THRB: variants seen among roughly 807,000 people sequenced by gnomAD.
The protein encoded by THRB is thyroid hormone receptor beta.
Under a neutral mutation model 47.8 loss-of-function variants are expected in THRB, and 12 were observed. The observed-to-expected ratio is 0.25, with a 90% CI of 0.16 to 0.41. The LOEUF (loss-of-function observed/expected upper bound fraction) is 0.41, where lower values mean the gene tolerates loss of function less well. Ranked by LOEUF, THRB falls within the 10% of genes least tolerant of loss-of-function variation. The probability of loss-of-function intolerance (pLI) is 1.00; values close to 1 mark genes in which losing one functional copy is unlikely to be tolerated. For missense variants in THRB, 348 were observed against 589.2 expected, an observed-to-expected ratio of 0.59 and a Z score of 4.24; for synonymous variants, 218 against 212.2, an observed-to-expected ratio of 1.03 and a Z score of -0.24.
At chr3:24,272,101 G>C (rs932478608) in intron 3 of THRB, among the ~76,000 whole-genome samples, 8 of 152,090 alleles carry the variant, frequency 5.3e-5, no homozygotes, top group Non-Finnish European at 7.4e-5. Flanking sequence ...CAACACTTTG[G>C]GATGCCATAG....
At chr3:24,277,358 C>A (rs2054031126) in intron 3 of THRB, among the ~76,000 whole-genome samples, 1 of 152,106 alleles carries the variant, frequency 6.6e-6, no homozygotes, top group African/African-American at 2.4e-5. Context: ...TTCAAAATGT[C>A]AGTAATGCCA....
intron 1 of THRB, among the ~76,000 whole-genome samples, chr3:24,483,670 A>G (rs891494447): frequency 4.6e-5 from 7 of 152,242 alleles, no homozygotes; most frequent in African/African-American, 1.7e-4. Flanking sequence ...ATGACCCCAT[A>G]AGGGTGAGAA....
chr3:24,362,026 T>C (rs2064109836), intron 1 of THRB, among the ~76,000 whole-genome samples: 1 of 152,124 alleles, frequency 6.6e-6, no homozygotes, highest in Non-Finnish European at 1.5e-5. Context: ...CCAATAATAA[T>C]AGCAGTTATC....
At chr3:24,216,207 A>G (rs2046545209) in intron 4 of THRB, among the ~76,000 whole-genome samples, 1 of 152,198 alleles carries the variant, frequency 6.6e-6, no homozygotes, top group African/African-American at 2.4e-5. Flanking sequence ...CCACACATTT[A>G]TTACTTCAAG....
intron 1 of THRB, among the ~76,000 whole-genome samples, chr3:24,374,545 T>A (rs955047174): frequency 2.0e-5 from 3 of 152,156 alleles, no homozygotes; most frequent in African/African-American, 7.2e-5. Context: ...GGGCTGATAC[T>A]ATTATTTAAA....
In THRB at chr3:24,120,920, T is replaced by C. The variant is rs1476059583; in HGVS notation, c.*1964A>G. The C allele has an allele frequency of 6.6e-6, 1 of 152,206 alleles. No individual in the cohort carries two copies. The highest frequency in any genetic ancestry group is 2.4e-5 in the African/African-American group (1 of 41,452). The allele number at this position is 152,206 out of a possible 1,614,324, so 9.4% of individuals were successfully genotyped here. ...TGCTTTCATGCATTGAATATTTAAT[T>C]CCCCGCTCCCAGATAATTTCCAATC... On this transcript the variant is annotated 3_prime_UTR_variant, in exon 11 of 11. Transcript: ENST00000646209.
At chr3:24,226,492 T>G (rs1216867091) in intron 4 of THRB, among the ~76,000 whole-genome samples, 1 of 152,148 alleles carries the variant, frequency 6.6e-6, no homozygotes, top group East Asian at 1.9e-4. Flanking sequence ...AGAACTACAA[T>G]TAGTTTCTCC....
chr3:24,243,068 GAAAAAAAAAAA>G (rs71057662), intron 3 of THRB, among the ~76,000 whole-genome samples: 3 of 92,004 alleles, frequency 3.3e-5, no homozygotes, highest in Non-Finnish European at 6.1e-5. Flanking sequence ...GCGCACCTTT[GAAAAAAAAAAA>G]AAAAAAAAAA....
intron 5 of THRB, among the ~76,000 whole-genome samples, chr3:24,163,127 C>T (rs1173269462): frequency 6.6e-6 from 1 of 152,108 alleles, no homozygotes; most frequent in Non-Finnish European, 1.5e-5. Flanking sequence ...AATAGTGGAT[C>T]AATATGGATA....
intron 1 of THRB, among the ~76,000 whole-genome samples, chr3:24,416,540 T>C (rs1205809164): frequency 6.6e-6 from 1 of 151,876 alleles, no homozygotes; most frequent in Non-Finnish European, 1.5e-5. Flanking sequence ...GCGCTCTATT[T>C]ATAAAAGACT....
intron 1 of THRB, among the ~76,000 whole-genome samples, chr3:24,417,330 T>G (rs1289532570): frequency 6.6e-6 from 1 of 151,938 alleles, no homozygotes; most frequent in Non-Finnish European, 1.5e-5. Flanking sequence ...AATACACTGT[T>G]CCTGTCTGGG....
At chr3:24,148,477 G>A (rs1171602781) in intron 6 of THRB, among the ~76,000 whole-genome samples, 2 of 152,090 alleles carry the variant, frequency 1.3e-5, no homozygotes, top group African/African-American at 4.8e-5. Context: ...GGCCAGGCTG[G>A]TCTCCAACAC....
At chr3:24,280,326 G>A (rs1047112533) in intron 3 of THRB, among the ~76,000 whole-genome samples, 2 of 152,210 alleles carry the variant, frequency 1.3e-5, no homozygotes, top group Admixed American at 6.5e-5. Flanking sequence ...AGCAGGGACA[G>A]ACTGACACCT....
At chr3:24,255,541 A>G (rs2051170993) in intron 3 of THRB, among the ~76,000 whole-genome samples, 1 of 152,196 alleles carries the variant, frequency 6.6e-6, no homozygotes, top group Non-Finnish European at 1.5e-5. Flanking sequence ...AAGGCTTTCT[A>G]GACAAAGTGA....
chr3:24,228,636 G>GAAAAAAAA (rs11306713), intron 4 of THRB, among the ~76,000 whole-genome samples: 1 of 85,064 alleles, frequency 1.2e-5, no homozygotes, highest in African/African-American at 3.6e-5. Flanking sequence ...ATGTCTCAAA[G>GAAAAAAAA]AAAAAAAAAA....
At chr3:24,263,317 A>C (rs1459029504) in intron 3 of THRB, among the ~76,000 whole-genome samples, 2 of 152,038 alleles carry the variant, frequency 1.3e-5, no homozygotes, top group African/African-American at 4.8e-5. Context: ...TTACAAAACC[A>C]CTGTGAATTA....
At chr3:24,404,758 A>G (rs2067687574) in intron 1 of THRB, among the ~76,000 whole-genome samples, 1 of 151,946 alleles carries the variant, frequency 6.6e-6, no homozygotes, top group Non-Finnish European at 1.5e-5. Context: ...AGAAACATTA[A>G]TAAACACAAT....
At chr3:24,171,100 C>T (rs1031391098) in intron 5 of THRB, among the ~76,000 whole-genome samples, 2 of 152,298 alleles carry the variant, frequency 1.3e-5, no homozygotes, top group South Asian at 2.1e-4. Context: ...AGGATTGAGA[C>T]ATTTGCTGCC....
At chr3:24,163,256 T>C (rs989700674) in intron 5 of THRB, among the ~76,000 whole-genome samples, 2 of 152,222 alleles carry the variant, frequency 1.3e-5, no homozygotes, top group African/African-American at 4.8e-5. Flanking sequence ...TATTTGCCTG[T>C]TTTGATTTAG....
Sources: allele counts gnomAD v4.1 joint callset (sites outside exome capture counted in the v4.1 genomes callset), GRCh38; gene constraint gnomAD v4.1.1; transcripts MANE v1.5; gene names NCBI Gene and HGNC (gene_info 2026-07-23, HGNC 2026-07-21).